Variants in PPARA observed in about 807,000 individuals in gnomAD.
The protein encoded by PPARA is peroxisome proliferator activated receptor alpha, also known as peroxisome proliferator-activated receptor alpha.
PPARA carries 22 observed loss-of-function variants against 42.2 expected under a neutral mutation model. That is an observed-to-expected ratio of 0.52 (90% CI 0.37 to 0.74). The LOEUF (loss-of-function observed/expected upper bound fraction) is 0.74, where lower values mean the gene tolerates loss of function less well. Among genes scored for constraint, PPARA ranks in the 30% least tolerant of loss-of-function variants. PPARA has a pLI of 0.00. For synonymous variants in PPARA, 242 were observed against 239.3 expected (o/e 1.01, Z -0.10); for missense variants, 465 against 608.2 (o/e 0.76, Z 2.48).
rs978332623 is a variant in PPARA at position 46,216,744 on chromosome 22, G to A, written c.369+1411G>A. The stretch of plus-strand genomic sequence containing the variant: ...AACAGATGTGACCTGGGCCAGGAGT[G>A]CATGAAGGCAGGCCCTGTTGTCCTG... On this transcript the variant is annotated intron_variant, in intron 5 of 8. Transcript: ENST00000407236. This position sits in a 1 kb window ranked among gnomAD's most constrained non-coding sequence, Gnocchi z 4.5. Among the ~76,000 whole-genome samples the A allele has an allele frequency of 6.6e-6, 1 of 152,186 alleles. No homozygotes were observed. Among genetic ancestry groups the A allele is most frequent in the Non-Finnish European group, 1.5e-5 (1 of 68,030 alleles).
chr22:46,185,917 ATATATAT>A (rs1183052722), intron 3 of PPARA, among the ~76,000 whole-genome samples: 23 of 10,098 alleles, frequency 2.3e-3, no homozygotes, highest in African/African-American at 6.4e-3. Context: ...AAAAAAAAAA[ATATATAT>A]ATATATATAT....
In PPARA at chr22:46,222,699, C is replaced by T. The variant is rs1935099040; in HGVS notation, c.711+2685C>T. On this transcript the variant is annotated intron_variant, in intron 7 of 8. Transcript: ENST00000407236. This position sits in a 1 kb window ranked among gnomAD's most constrained non-coding sequence, Gnocchi z 5.9. ...TGGGATGGCTAAAACTTTTGTTTGC[C>T]AGCTTATATTTCTCCCTTGGATTTC... is the stretch of plus-strand genomic sequence containing the variant. Among the ~76,000 whole-genome samples, 1 of 152,094 alleles carries T rather than the reference C, an allele frequency of 6.6e-6. No homozygotes were observed. The highest frequency in any genetic ancestry group is 2.4e-5 in the African/African-American group (1 of 41,392).
At chr22:46,217,370 T>C (rs1339009230) in intron 5 of PPARA, among the ~76,000 whole-genome samples, 3 of 152,230 alleles carry the variant, frequency 2.0e-5, no homozygotes, top group African/African-American at 7.2e-5. Context: ...TTGAAAAAGC[T>C]CCTTATAAAG....
In PPARA at chr22:46,162,622, G is replaced by A. The variant is rs1293292025; in HGVS notation, c.-127+10652G>A. Among the ~76,000 whole-genome samples, 1 of 152,178 alleles carries A rather than the reference G, an allele frequency of 6.6e-6. No individual in the cohort carries two copies. Among genetic ancestry groups the A allele is most frequent in the African/African-American group, 2.4e-5 (1 of 41,430 alleles). On this transcript the variant is annotated intron_variant, in intron 2 of 8. Transcript: ENST00000407236. The surrounding 1 kb of genome is among the most constrained non-coding windows in gnomAD (Gnocchi z 6.0). ...TGACAGTGGCTCTCCCTGAGACCCC[G>A]TGAGGCCAGAGTCCTTGGCTCATCA... is the stretch of plus-strand genomic sequence containing the variant.
chr22:46,168,765 G>A lies in PPARA; in HGVS notation c.-126-7988G>A, dbSNP rs897588226. Among the ~76,000 whole-genome samples the A allele has an allele frequency of 5.9e-5, 9 of 152,106 alleles. 1 individual carries two copies. The East Asian group carries it at 9.6e-4, about 16-fold the overall frequency. Reference sequence around the variant, plus strand: ...TCACTACACACCCACAAGAGTGGCTGTAATTAAGCAGTCTGACCAAGTATG... The same window carrying A: ...TCACTACACACCCACAAGAGTGGCTATAATTAAGCAGTCTGACCAAGTATG... On this transcript the variant is annotated intron_variant, in intron 2 of 8. Transcript: ENST00000407236.
rs770173650 is a variant in PPARA at position 46,215,263 on chromosome 22, T to C, written c.299T>C (p.Ile100Thr). 57 of 1,613,928 alleles carry C rather than the reference T, an allele frequency of 3.5e-5. No homozygotes were observed. Among genetic ancestry groups the C allele is most frequent in the Non-Finnish European group, 4.7e-5 (56 of 1,180,030 alleles). The change falls in exon 5 of 9, where the codon ATC (isoleucine) becomes ACC (threonine). Residue 100 changes from isoleucine to threonine, a missense_variant. By Grantham distance (89) the Ile-to-Thr change is moderately conservative (BLOSUM62 -1). Transcript: ENST00000407236. ...GAGTCTCCCAGTGGAGCATTGAACA[T>C]CGAATGTAGAATCTGCGGGGACAAG... ...VDESPSGALN[I>T]ECRICGDKAS... is the part of the protein sequence containing the mutation.
In PPARA at chr22:46,217,819, C is replaced by CTTTTTTT. The variant is rs60894989; in HGVS notation, c.370-421_370-415dup. On this transcript the variant is annotated intron_variant, in intron 5 of 8. Coordinates refer to ENST00000407236, the MANE Select transcript of PPARA (RefSeq NM_005036.6). ...GACTTCTTAGAAGAACTATTTCTTT[C>CTTTTTTT]TTTTTTTTTTTTTTTTTTTTTTTTT... Among the ~76,000 whole-genome samples, 196 of 77,062 alleles carry CTTTTTTT rather than the reference C, an allele frequency of 2.5e-3. 25 individuals are homozygous for CTTTTTTT. Among genetic ancestry groups the CTTTTTTT allele is most frequent in the African/African-American group, 8.5e-3 (137 of 16,194 alleles). 50.6% of individuals were successfully genotyped at this position (77,062 alleles called of 152,430 possible). A position where few individuals can be genotyped will look rare whatever the true frequency, so the allele number is the denominator to read the frequency against.
chr22:46,224,766 G>A lies in PPARA; in HGVS notation c.711+4752G>A, dbSNP rs1935274932. On this transcript the variant is annotated intron_variant, in intron 7 of 8. Coordinates refer to ENST00000407236, the MANE Select transcript of PPARA (RefSeq NM_005036.6). This position sits in a 1 kb window ranked among gnomAD's most constrained non-coding sequence, Gnocchi z 5.7. Reference sequence around the variant, plus strand: ...CCCTGCAGGGGCTGCTGGGGTGAAAGCAACCCTGAAATGTTCAAAGCCTTG... The same window carrying A: ...CCCTGCAGGGGCTGCTGGGGTGAAAACAACCCTGAAATGTTCAAAGCCTTG... Among the ~76,000 whole-genome samples the A allele has an allele frequency of 6.6e-6, 1 of 152,210 alleles. No individual in the cohort carries two copies. Among genetic ancestry groups the A allele is most frequent in the Non-Finnish European group, 1.5e-5 (1 of 68,030 alleles).
intron 3 of PPARA, among the ~76,000 whole-genome samples, chr22:46,198,057 C>CT (rs1569217930): frequency 1.3e-5 from 2 of 148,902 alleles, no homozygotes; most frequent in Non-Finnish European, 3.0e-5. Flanking sequence ...CAGTGAAACC[C>CT]GTCTCTACTA....
intron 1 of PPARA, among the ~76,000 whole-genome samples, chr22:46,151,469 G>A (rs781485239): frequency 6.6e-6 from 1 of 152,256 alleles, no homozygotes; most frequent in Non-Finnish European, 1.5e-5. Flanking sequence ...AGGAGGGTCG[G>A]CCCTGCCCCC....
chr22:46,226,904 G>C (rs1435396623), intron 7 of PPARA, among the ~76,000 whole-genome samples: 1 of 152,040 alleles, frequency 6.6e-6, no homozygotes, highest in South Asian at 2.1e-4. Context: ...TGAGCAAGGA[G>C]ACTAATTTGT....
At chr22:46,152,749 C>T (rs1026975271) in intron 2 of PPARA, among the ~76,000 whole-genome samples, 4 of 152,178 alleles carry the variant, frequency 2.6e-5, no homozygotes, top group African/African-American at 7.2e-5. Context: ...AGACCAGGGA[C>T]ACTGGGGCTG....
In PPARA at chr22:46,201,962, C is replaced by T. The variant is rs190371445; in HGVS notation, c.208+3371C>T. Among the ~76,000 whole-genome samples the T allele has an allele frequency of 3.7e-3, 570 of 152,302 alleles. 3 individuals are homozygous for T. Among genetic ancestry groups the T allele is most frequent in the African/African-American group, 0.013 (521 of 41,566 alleles). ...AGGCAGGCAGGCTCCCGCAGCCCCA[C>T]CCCCAGGGTGAAAAATATAGTTCAT... On this transcript the variant is annotated intron_variant, in intron 4 of 8. Coordinates refer to ENST00000407236, the MANE Select transcript of PPARA (RefSeq NM_005036.6).
At position 46,213,841 on chromosome 22, in the gene PPARA, G is replaced by A. The variant is rs960338724; in HGVS notation, c.209-1332G>A. On this transcript the variant is annotated intron_variant, in intron 4 of 8. Coordinates refer to ENST00000407236, the MANE Select transcript of PPARA (RefSeq NM_005036.6). ...CCTGACCTCGTGATCCGCTTGCTCC[G>A]GCCTCCCAAAGTGCTGGGATTACAG... 5.3e-5 allele frequency among the ~76,000 whole-genome samples: 8 copies of A among 152,112 alleles called. 1 individual carries two copies. The South Asian group carries it at 6.2e-4, about 12-fold the overall frequency.
At position 46,183,119 on chromosome 22, in the gene PPARA, C is replaced by T. The variant is rs1211896539; in HGVS notation, c.-43+6283C>T. Among the ~76,000 whole-genome samples, 1 of 152,190 alleles carries T rather than the reference C, an allele frequency of 6.6e-6. No homozygotes were observed. Among genetic ancestry groups the T allele is most frequent in the African/African-American group, 2.4e-5 (1 of 41,452 alleles). On this transcript the variant is annotated intron_variant, in intron 3 of 8. Transcript: ENST00000407236. This position sits in a 1 kb window ranked among gnomAD's most constrained non-coding sequence, Gnocchi z 5.5. ...GAACTGTGGCTTTGGCTCTGAAATCCTCATCTGAGGACCCACACTCGGGTG... is the reference window on the plus strand; with the variant it reads ...GAACTGTGGCTTTGGCTCTGAAATCTTCATCTGAGGACCCACACTCGGGTG...
chr22:46,163,989 G>C lies in PPARA; in HGVS notation c.-127+12019G>C, dbSNP rs1215340993. 1 of 152,264 alleles carries C rather than the reference G, an allele frequency of 6.6e-6. No homozygotes were observed. Among genetic ancestry groups the C allele is most frequent in the Non-Finnish European group, 1.5e-5 (1 of 68,156 alleles). 9.4% of individuals were successfully genotyped at this position (152,264 alleles called of 1,614,324 possible). A position where few individuals can be genotyped will look rare whatever the true frequency, so the allele number is the denominator to read the frequency against. The stretch of plus-strand genomic sequence containing the variant: ...CCAGCACTTTGGGAGGCTGAGGCGG[G>C]CGGATCACATGAGGTCAGGAGTTCA... On this transcript the variant is annotated intron_variant, in intron 2 of 8. Coordinates refer to ENST00000407236, the MANE Select transcript of PPARA (RefSeq NM_005036.6). This position sits in a 1 kb window ranked among gnomAD's most constrained non-coding sequence, Gnocchi z 4.9.
rs746682088 is a variant in PPARA, at chr22:46,215,162, T to A, written c.209-11T>A. 101 of 1,613,114 alleles carry A rather than the reference T, an allele frequency of 6.3e-5. 1 individual carries two copies. The South Asian group carries it at 1.1e-3, about 17-fold the overall frequency. ...CTGGACTATTCATCCGTCTCTCCTC[T>A]TTTTCCCCAGACACGCTTTCACCAG... On this transcript the variant is annotated splice_polypyrimidine_tract_variant and intron_variant, in intron 4 of 8. Coordinates refer to ENST00000407236, the MANE Select transcript of PPARA (RefSeq NM_005036.6).
rs937533638 is a variant in PPARA at position 46,238,831 on chromosome 22, T to G, written c.*3451T>G. On this transcript the variant is annotated 3_prime_UTR_variant, in exon 9 of 9. Coordinates refer to ENST00000407236, the MANE Select transcript of PPARA (RefSeq NM_005036.6). This position sits in a 1 kb window ranked among gnomAD's most constrained non-coding sequence, Gnocchi z 8.3. ...CACACTTCCAGAGACCGGAGAACTGTGCAGGGCCTAAGGCCGTTTGGATGA... is the reference window on the plus strand; with the variant it reads ...CACACTTCCAGAGACCGGAGAACTGGGCAGGGCCTAAGGCCGTTTGGATGA... 6.6e-6 allele frequency: 1 copy of G among 151,720 alleles called. No homozygotes were observed. Among genetic ancestry groups the G allele is most frequent in the Non-Finnish European group, 1.5e-5 (1 of 68,084 alleles). 9.4% of individuals were successfully genotyped at this position (151,720 alleles called of 1,614,324 possible).
chr22:46,181,175 G>C (rs1929907370), intron 3 of PPARA, among the ~76,000 whole-genome samples: 2 of 152,300 alleles, frequency 1.3e-5, no homozygotes, highest in South Asian at 4.1e-4. Flanking sequence ...GAAAGAAACT[G>C]AAAATGGGAA....
Sources: allele counts gnomAD v4.1 joint callset (sites outside exome capture counted in the v4.1 genomes callset), GRCh38; gene constraint gnomAD v4.1.1; non-coding constraint Gnocchi (gnomAD v3.1); transcripts MANE v1.5; gene names NCBI Gene and HGNC (gene_info 2026-07-23, HGNC 2026-07-21).